Variants in ZHX2 observed in about 807,000 individuals in gnomAD.
The protein encoded by ZHX2 is zinc fingers and homeoboxes 2.
Under a neutral mutation model 21.9 loss-of-function variants are expected in ZHX2, and 6 were observed. The ratio of observed to expected loss-of-function variants is 0.27; its 90% CI spans 0.15 to 0.54. ZHX2 has a LOEUF of 0.54. ZHX2 is among the 20% of genes least tolerant of loss of function. ZHX2 has a pLI of 0.95. For synonymous variants in ZHX2, 434 were observed against 437.1 expected, an observed-to-expected ratio of 0.99 and a Z score of 0.09; for missense variants, 908 against 1,090.7, an observed-to-expected ratio of 0.83 and a Z score of 2.36.
intron 1 of ZHX2, among the ~76,000 whole-genome samples, chr8:122,855,044 A>G (rs1818996313): frequency 6.6e-6 from 1 of 152,238 alleles, no homozygotes; most frequent in Non-Finnish European, 1.5e-5. Flanking sequence ...ATAAACAGTA[A>G]GGTATATAAG....
chr8:122,842,909 G>C (rs1037806083), intron 1 of ZHX2, among the ~76,000 whole-genome samples: 1 of 152,226 alleles, frequency 6.6e-6, no homozygotes, highest in Non-Finnish European at 1.5e-5. Context: ...AAATGGCTGG[G>C]CCTCACCCCC....
intron 1 of ZHX2, among the ~76,000 whole-genome samples, chr8:122,847,443 C>T (rs371235738): frequency 1.3e-5 from 2 of 152,210 alleles, no homozygotes; most frequent in African/African-American, 2.4e-5. Flanking sequence ...GGGAGCACCC[C>T]GGGCCCTGAT....
At chr8:122,904,446 C>T (rs549816776) in intron 2 of ZHX2, among the ~76,000 whole-genome samples, 2 of 152,166 alleles carry the variant, frequency 1.3e-5, no homozygotes, top group South Asian at 2.1e-4. Context: ...CATGACCCCA[C>T]GAAATGGTAA....
intron 3 of ZHX2, among the ~76,000 whole-genome samples, chr8:122,967,891 C>G (rs1199254215): frequency 6.6e-6 from 1 of 152,114 alleles, no homozygotes; most frequent in African/African-American, 2.4e-5. Context: ...GACAGGACCA[C>G]AGAACTTCCA....
Position 122,833,343 on chromosome 8 carries a change from A to G in ZHX2, c.-282-30134A>G, listed in dbSNP as rs376552553. On this transcript the variant is annotated intron_variant, in intron 1 of 3. Transcript: ENST00000314393. ...GGGAGTTTGTTGGGCGGAGTAGGCG[A>G]CTGGTGAGGAGGTGAGAAATGATAG... Among the ~76,000 whole-genome samples the G allele has an allele frequency of 1.8e-3, 281 of 152,200 alleles. 13 individuals are homozygous for G. In the South Asian group the frequency reaches 0.051, roughly 27 times the overall value.
intron 1 of ZHX2, among the ~76,000 whole-genome samples, chr8:122,860,396 T>C (rs990840541): frequency 6.6e-6 from 1 of 152,226 alleles, no homozygotes; most frequent in African/African-American, 2.4e-5. Flanking sequence ...TATTAAATGA[T>C]ATATGCATTT....
At chr8:122,956,557 A>G (rs2130314313) in intron 3 of ZHX2, among the ~76,000 whole-genome samples, 1 of 152,198 alleles carries the variant, frequency 6.6e-6, no homozygotes, top group East Asian at 1.9e-4. Context: ...AGGGGTCCAC[A>G]TGGAAGAAGC....
At chr8:122,836,036 C>T (rs530245474) in intron 1 of ZHX2, among the ~76,000 whole-genome samples, 2 of 152,106 alleles carry the variant, frequency 1.3e-5, no homozygotes, top group East Asian at 1.9e-4. Flanking sequence ...TTTCCCACAA[C>T]AGAGGGTAGG....
At chr8:122,864,841 G>T (rs1275903511) in intron 2 of ZHX2, among the ~76,000 whole-genome samples, 1 of 152,202 alleles carries the variant, frequency 6.6e-6, no homozygotes, top group South Asian at 2.1e-4. Context: ...CACCCATTGC[G>T]CTTGGGAGGG....
intron 1 of ZHX2, among the ~76,000 whole-genome samples, chr8:122,824,409 T>C (rs1196867580): frequency 3.9e-5 from 6 of 152,134 alleles, no homozygotes; most frequent in Non-Finnish European, 8.8e-5. Flanking sequence ...AGAGATATTG[T>C]CCAATGAACC....
intron 2 of ZHX2, among the ~76,000 whole-genome samples, chr8:122,895,182 T>C (rs920807097): frequency 6.6e-6 from 1 of 152,178 alleles, no homozygotes; most frequent in Admixed American, 6.5e-5. Flanking sequence ...CTCTCTCCCT[T>C]CTTTAAAGGG....
At chr8:122,930,626 C>T (rs1820961444) in intron 2 of ZHX2, among the ~76,000 whole-genome samples, 1 of 151,578 alleles carries the variant, frequency 6.6e-6, no homozygotes, top group Middle Eastern at 3.4e-3. Context: ...CACCAGCCAC[C>T]ACGCCTGGCT....
In ZHX2 at chr8:122,872,603, C is replaced by T. The variant is rs190213494; in HGVS notation, c.-220+9064C>T. Among the ~76,000 whole-genome samples, 117 of 152,284 alleles carry T rather than the reference C, an allele frequency of 7.7e-4. 2 individuals are homozygous for T. The highest frequency in any genetic ancestry group is 1.3e-3 in the Non-Finnish European group (87 of 68,032). ...CCTAACCCCCCGTTCCGTGATATTT[C>T]AGAGCTCAAAGTTTCTTGGCCAAGG... On this transcript the variant is annotated intron_variant, in intron 2 of 3. Transcript: ENST00000314393.
At chr8:122,879,981 T>TC (rs898124350) in intron 2 of ZHX2, among the ~76,000 whole-genome samples, 2 of 150,482 alleles carry the variant, frequency 1.3e-5, no homozygotes, top group Non-Finnish European at 3.0e-5. Context: ...CCTTTTTTTT[T>TC]TTTTTTTTTT....
chr8:122,958,153 G>A (rs901187412), intron 3 of ZHX2, among the ~76,000 whole-genome samples: 8 of 152,184 alleles, frequency 5.3e-5, no homozygotes, highest in African/African-American at 9.7e-5. Context: ...CTCTGTAGGC[G>A]TTAAGCATCT....
Position 122,819,121 on chromosome 8 carries a change from G to A in ZHX2, c.-283+37175G>A, listed in dbSNP as rs371850262. Among the ~76,000 whole-genome samples, 133 of 152,288 alleles carry A rather than the reference G, an allele frequency of 8.7e-4. 6 individuals are homozygous for A. The South Asian group carries it at 0.027, about 31-fold the overall frequency. On this transcript the variant is annotated intron_variant, in intron 1 of 3. Coordinates refer to ENST00000314393, the MANE Select transcript of ZHX2 (RefSeq NM_014943.5). ...GGCCTTCTTGAAGGCCAGATGGGAG[G>A]CCAGTGCATGAGAAGACAGTGGTTA...
intron 2 of ZHX2, among the ~76,000 whole-genome samples, chr8:122,945,876 CAG>C (rs1491191444): frequency 6.6e-6 from 1 of 152,174 alleles, no homozygotes; most frequent in Non-Finnish European, 1.5e-5. Context: ...TCTCGTCAGA[CAG>C]GGGATGGTGT....
chr8:122,972,514 C>T (rs1341053840), intron 3 of ZHX2, among the ~76,000 whole-genome samples: 3 of 152,058 alleles, frequency 2.0e-5, no homozygotes, highest in Non-Finnish European at 4.4e-5. Flanking sequence ...TGTTCAGTTT[C>T]CTCAACTGTA....
At chr8:122,887,622 A>T (rs896549377) in intron 2 of ZHX2, among the ~76,000 whole-genome samples, 5 of 152,202 alleles carry the variant, frequency 3.3e-5, no homozygotes, top group African/African-American at 1.2e-4. Context: ...TTTTGCAATT[A>T]CTTTTCATTG....
Sources: gnomAD v4.1 joint callset for allele counts (sites outside exome capture counted in the v4.1 genomes callset) on GRCh38, gnomAD v4.1.1 for gene constraint, MANE v1.5 for transcripts, NCBI Gene and HGNC (gene_info 2026-07-23, HGNC 2026-07-21) for gene names.